Variants in DPP9 observed in about 807,000 individuals in gnomAD.
DPP9 encodes the protein dipeptidyl peptidase 9, also known as dipeptidyl peptidase IV-related protein-2.
A neutral mutation model predicts 110.7 loss-of-function variants in DPP9; 50 were observed. That is an observed-to-expected ratio of 0.45 (90% CI 0.36 to 0.57). DPP9 has a LOEUF of 0.57. Among genes scored for constraint, DPP9 ranks in the 20% least tolerant of loss-of-function variants. DPP9 has a pLI of 0.00. For synonymous variants in DPP9, 561 were observed against 514.4 expected, an observed-to-expected ratio of 1.09 and a Z score of -1.23; for missense variants, 1,022 against 1,217.9, an observed-to-expected ratio of 0.84 and a Z score of 2.39.
chr19:4,683,275 C>T (rs773683623), intron 19 of DPP9: 1,100 of 1,436,270 alleles, frequency 7.7e-4, no homozygotes, highest in Non-Finnish European at 9.4e-4. Flanking sequence ...TGCCATCCTG[C>T]GGTCGGCGGT....
intron 3 of DPP9, among the ~76,000 whole-genome samples, chr19:4,717,393 GGCAGCAA>G (rs2145963195): frequency 6.6e-6 from 1 of 152,266 alleles, no homozygotes; most frequent in African/African-American, 2.4e-5. Context: ...AAGCACTGCT[GGCAGCAA>G]GCCCAGAAAA....
At chr19:4,722,009 T>C (rs1297702653) in intron 2 of DPP9, among the ~76,000 whole-genome samples, 1 of 152,180 alleles carries the variant, frequency 6.6e-6, no homozygotes, top group Non-Finnish European at 1.5e-5. Context: ...TATGACAGTA[T>C]CTACGCCTGG....
chr19:4,681,102 C>T (rs536065704), intron 20 of DPP9, among the ~76,000 whole-genome samples: 2 of 152,264 alleles, frequency 1.3e-5, no homozygotes, highest in East Asian at 1.9e-4. Flanking sequence ...GGCCACACGT[C>T]GCCGTTGAAA....
intron 2 of DPP9, among the ~76,000 whole-genome samples, chr19:4,721,116 T>C (rs2093304432): frequency 6.6e-6 from 1 of 152,164 alleles, no homozygotes; most frequent in Non-Finnish European, 1.5e-5. Flanking sequence ...AGGGGAGGCA[T>C]GTGGCCAGTG....
rs1170985465 is a variant in DPP9 at position 4,697,558 on chromosome 19, C to T, written c.1168G>A (p.Gly390Ser). The change falls in exon 11 of 22, where the codon GGC becomes AGC. Residue 390 changes from glycine to serine, a missense_variant. Around this residue, in one of 3 missense-constraint regions of DPP9, gnomAD observed 810 missense variants for 920.6 expected, o/e 0.88. Transcript: ENST00000262960. ...YIARAGWTRD[G>S]KYAWAMFLDR... ...CCAGCCAGAGACACTCACTATTTGC[C>T]ATCCCGGGTCCACCCGGCCCTGGCG... 1.2e-6 allele frequency: 2 copies of T among 1,613,294 alleles called. No homozygotes were observed. The highest frequency in any genetic ancestry group is 1.7e-6 in the Non-Finnish European group (2 of 1,179,468).
In DPP9 at chr19:4,723,688, G is replaced by T. The variant is rs1002469542; in HGVS notation, c.-103C>A. On this transcript the variant is annotated 5_prime_UTR_variant, in exon 1 of 22. Coordinates refer to ENST00000262960, the MANE Select transcript of DPP9 (RefSeq NM_139159.5). ...GCGCTGCTCACCGGGACGTGGGGCG[G>T]CGGCCGGACTGGGCAGGTCGTCCCG... is the stretch of plus-strand genomic sequence containing the variant. 6.4e-6 allele frequency: 1 copy of T among 157,128 alleles called. No homozygotes were observed. The highest frequency in any genetic ancestry group is 2.4e-5 in the African/African-American group (1 of 41,494). The allele number at this position is 157,128 out of a possible 1,614,324, so 9.7% of individuals were successfully genotyped here. A position where few individuals can be genotyped will look rare whatever the true frequency, so the allele number is the denominator to read the frequency against.
Position 4,697,662 on chromosome 19 carries a change from A to G in DPP9, c.1075-11T>C. On this transcript the variant is annotated splice_polypyrimidine_tract_variant and intron_variant, in intron 10 of 21. Transcript: ENST00000262960. ...CTGGGTCGAGACGATCTGAAGGGAA[A>G]CAAACAGGTGTGGGTCATGCCCTGG... 6.2e-7 allele frequency: 1 copy of G among 1,612,992 alleles called. No homozygotes were observed. Among genetic ancestry groups the G allele is most frequent in the Non-Finnish European group, 8.5e-7 (1 of 1,179,296 alleles).
chr19:4,690,039 G>A (rs1186984221), intron 14 of DPP9, among the ~76,000 whole-genome samples: 1 of 152,192 alleles, frequency 6.6e-6, no homozygotes, highest in African/African-American at 2.4e-5. Context: ...GGAAGGCCAG[G>A]GAGGGCACCG....
chr19:4,702,728 G>T lies in DPP9; in HGVS notation c.770-12C>A. 1 of 1,553,466 alleles carries T rather than the reference G, an allele frequency of 6.4e-7. No individual in the cohort carries two copies. The highest frequency in any genetic ancestry group is 8.7e-7 in the Non-Finnish European group (1 of 1,146,996). On this transcript the variant is annotated splice_polypyrimidine_tract_variant and intron_variant, in intron 7 of 21. Coordinates refer to ENST00000262960, the MANE Select transcript of DPP9 (RefSeq NM_139159.5). ...GACATTGGATAAACCTAGGGGGAGGGACGGAGAGCATCAACAAGGGGTGAG... is the reference window on the plus strand; with the variant it reads ...GACATTGGATAAACCTAGGGGGAGGTACGGAGAGCATCAACAAGGGGTGAG...
rs2092799879 is a variant in DPP9 at position 4,710,897 on chromosome 19, G to A, written c.313+3184C>T. On this transcript the variant is annotated intron_variant, in intron 4 of 21. Coordinates refer to ENST00000262960, the MANE Select transcript of DPP9 (RefSeq NM_139159.5). The surrounding 1 kb of genome is among the most constrained non-coding windows in gnomAD (Gnocchi z 5.6). The stretch of plus-strand genomic sequence containing the variant: ...TTCTGCCAAGTTCATGCCCACTGGG[G>A]TGGGCCCTCAGCACCTCCTGTGTAC... Among the ~76,000 whole-genome samples, 1 of 152,154 alleles carries A rather than the reference G, an allele frequency of 6.6e-6. No individual in the cohort carries two copies. The highest frequency in any genetic ancestry group is 2.4e-5 in the African/African-American group (1 of 41,432).
intron 16 of DPP9, chr19:4,688,398 T>C: frequency 4.2e-6 from 1 of 235,790 alleles, no homozygotes; most frequent in Non-Finnish European, 8.2e-6. Context: ...CAGAAGCCAC[T>C]GTGCCCGCTG....
intron 2 of DPP9, among the ~76,000 whole-genome samples, chr19:4,721,043 G>T (rs1599963083): frequency 6.6e-6 from 1 of 151,998 alleles, no homozygotes; most frequent in African/African-American, 2.4e-5. Flanking sequence ...TAACCCAGGG[G>T]TCTCACCTGG....
At position 4,682,137 on chromosome 19, in the gene DPP9, C is replaced by T. The variant is rs1025822905; in HGVS notation, c.2474+559G>A. On this transcript the variant is annotated intron_variant, in intron 20 of 21. Coordinates refer to ENST00000262960, the MANE Select transcript of DPP9 (RefSeq NM_139159.5). The surrounding 1 kb of genome is among the most constrained non-coding windows in gnomAD (Gnocchi z 7.1). ...TGCTGGGATTACAGGAGTGAGCCAC[C>T]GCGCCCGGCCCATGCCCAGGCAGAT... Among the ~76,000 whole-genome samples, 2 of 151,986 alleles carry T rather than the reference C, an allele frequency of 1.3e-5. No individual in the cohort carries two copies. Among genetic ancestry groups the T allele is most frequent in the South Asian group, 2.1e-4 (1 of 4,822 alleles).
Position 4,695,623 on chromosome 19 carries a change from T to A in DPP9, c.1176-68A>T. The A allele has an allele frequency of 7.5e-7, 1 of 1,341,596 alleles. No homozygotes were observed. Among genetic ancestry groups the A allele is most frequent in the East Asian group, 2.9e-5 (1 of 34,738 alleles). 83.1% of individuals were successfully genotyped at this position (1,341,596 alleles called of 1,614,324 possible). A position where few individuals can be genotyped will look rare whatever the true frequency, so the allele number is the denominator to read the frequency against. Reference sequence around the variant, plus strand: ...GCCTCAGTGGCCTGCACAGAGAAGCTGGGGACGCAGCGTCCAAACCCGTGT... The same window carrying A: ...GCCTCAGTGGCCTGCACAGAGAAGCAGGGGACGCAGCGTCCAAACCCGTGT... On this transcript the variant is annotated intron_variant, in intron 11 of 21. Coordinates refer to ENST00000262960, the MANE Select transcript of DPP9 (RefSeq NM_139159.5). The surrounding 1 kb of genome is among the most constrained non-coding windows in gnomAD (Gnocchi z 4.7).
rs1176729711 is a variant in DPP9, at chr19:4,683,000, C to A, written c.2332-162G>T. The A allele has an allele frequency of 6.5e-7, 1 of 1,529,120 alleles. No homozygotes were observed. The highest frequency in any genetic ancestry group is 1.4e-5 in the African/African-American group (1 of 72,822). 94.7% of individuals were successfully genotyped at this position (1,529,120 alleles called of 1,614,324 possible). ...AAGGGGCCCTCAGACCGCGTGGCCC[C>A]CGTGGACGGTGCGTGGCATGGGGGT... is the stretch of plus-strand genomic sequence containing the variant. On this transcript the variant is annotated intron_variant, in intron 19 of 21. Coordinates refer to ENST00000262960, the MANE Select transcript of DPP9 (RefSeq NM_139159.5). The surrounding 1 kb of genome is among the most constrained non-coding windows in gnomAD (Gnocchi z 7.1).
chr19:4,697,750 T>C, intron 10 of DPP9, 99 bp from the exon 11 acceptor site: 1 of 924,966 alleles, frequency 1.1e-6, no homozygotes, highest in Non-Finnish European at 1.6e-6. Flanking sequence ...CCCCCCCAAA[T>C]TCATATGCTG....
rs375047863 is a variant in DPP9 at position 4,685,852 on chromosome 19, C to A, written c.1886-81G>T. Reference sequence around the variant, plus strand: ...CCCTTGTTCTCCTGCCCACCCCAAGCCTTGGAGGGTGGACCAAAGCACCCC... The same window carrying A: ...CCCTTGTTCTCCTGCCCACCCCAAGACTTGGAGGGTGGACCAAAGCACCCC... On this transcript the variant is annotated intron_variant, in intron 16 of 21. Transcript: ENST00000262960. The surrounding 1 kb of genome is among the most constrained non-coding windows in gnomAD (Gnocchi z 5.8). 2 of 1,526,918 alleles carry A rather than the reference C, an allele frequency of 1.3e-6. No individual in the cohort carries two copies. The highest frequency in any genetic ancestry group is 1.8e-6 in the Non-Finnish European group (2 of 1,128,794). The allele number at this position is 1,526,918 out of a possible 1,614,324, so 94.6% of individuals were successfully genotyped here.
rs1158421039 is a variant in DPP9 at position 4,698,564 on chromosome 19, G to A, written c.1075-913C>T. On this transcript the variant is annotated intron_variant, in intron 10 of 21. Transcript: ENST00000262960. The surrounding 1 kb of genome is among the most constrained non-coding windows in gnomAD (Gnocchi z 4.2). ...GTCAGGAGTTCGAGACCAGCCTGGG[G>A]AACATGGCAAGACCCCATCTCTACA... 2.0e-5 allele frequency among the ~76,000 whole-genome samples: 3 copies of A among 152,024 alleles called. No individual in the cohort carries two copies. In the East Asian group the frequency reaches 5.8e-4, roughly 30 times the overall value.
chr19:4,707,353 A>G (rs1168667750), intron 4 of DPP9, among the ~76,000 whole-genome samples: 2 of 152,138 alleles, frequency 1.3e-5, no homozygotes, highest in Non-Finnish European at 1.5e-5. Flanking sequence ...TGTCATTAGA[A>G]AAGGGAATGG....
Sources: gnomAD v4.1 joint callset for allele counts (sites outside exome capture counted in the v4.1 genomes callset) on GRCh38, gnomAD v4.1.1 for gene constraint, gnomAD v4.1.1 regional missense constraint, Gnocchi (gnomAD v3.1) non-coding constraint, MANE v1.5 for transcripts, NCBI Gene and HGNC (gene_info 2026-07-23, HGNC 2026-07-21) for gene names.